VPS54: variants seen among roughly 807,000 people sequenced by gnomAD.
The protein encoded by VPS54 is VPS54 subunit of GARP complex.
Under a neutral mutation model 121.5 loss-of-function variants are expected in VPS54, and 45 were observed. The ratio of observed to expected loss-of-function variants is 0.37; its 90% CI spans 0.29 to 0.47. The LOEUF (loss-of-function observed/expected upper bound fraction) is 0.47, where lower values mean the gene tolerates loss of function less well. Ranked by LOEUF, VPS54 falls within the 20% of genes least tolerant of loss-of-function variation. The pLI is 0.99. For synonymous variants in VPS54, 371 were observed against 385.8 expected (o/e 0.96, Z 0.45); for missense variants, 1,090 against 1,131.4 (o/e 0.96, Z 0.52).
chr2:63,907,727 A>T (rs2160799), intron 20 of VPS54, among the ~76,000 whole-genome samples: 70,786 of 151,942 alleles, frequency 0.47, 16,945 homozygotes, highest in Middle Eastern at 0.56. Flanking sequence ...TATAAGGAAC[A>T]CTTATAAGAC....
intron 3 of VPS54, chr2:63,975,072 G>A: frequency 6.5e-7 from 1 of 1,537,676 alleles, no homozygotes; most frequent in Non-Finnish European, 8.8e-7. Flanking sequence ...TTGAGACAGA[G>A]TCTCACTCTG....
At chr2:64,006,823 T>C (rs1167312986) in intron 1 of VPS54, among the ~76,000 whole-genome samples, 1 of 152,152 alleles carries the variant, frequency 6.6e-6, no homozygotes, top group Admixed American at 6.5e-5. Context: ...TTCGCCATAT[T>C]GGTCAGGCTA....
At chr2:63,954,262 A>G (rs1285833989) in intron 7 of VPS54, among the ~76,000 whole-genome samples, 1 of 152,212 alleles carries the variant, frequency 6.6e-6, no homozygotes. Context: ...AAAAGACTCA[A>G]GAATGAACTT....
At chr2:63,904,770 A>C (rs914851842) in intron 20 of VPS54, among the ~76,000 whole-genome samples, 13 of 152,216 alleles carry the variant, frequency 8.5e-5, no homozygotes, top group Non-Finnish European at 1.8e-4. Context: ...TGCATGTGGA[A>C]CATTAGCCAA....
At chr2:63,948,382 G>A (rs1457666310) in intron 8 of VPS54, among the ~76,000 whole-genome samples, 2 of 148,858 alleles carry the variant, frequency 1.3e-5, no homozygotes, top group Non-Finnish European at 3.0e-5. Context: ...TGAATGACGG[G>A]TAATTACCAT....
intron 7 of VPS54, among the ~76,000 whole-genome samples, chr2:63,961,205 A>G (rs1675753574): frequency 6.6e-6 from 1 of 152,244 alleles, no homozygotes; most frequent in African/African-American, 2.4e-5. Context: ...ATAGGTGCTC[A>G]ACAGCCATAC....
chr2:63,972,339 A>G, intron 3 of VPS54, 95 bp from the exon 4 acceptor site: 2 of 832,098 alleles, frequency 2.4e-6, no homozygotes, highest in Non-Finnish European at 3.7e-6. Context: ...AATATGCCAA[A>G]TTAGTCCTAC....
chr2:63,895,626 A>T (rs1230505188), intron 22 of VPS54, among the ~76,000 whole-genome samples: 1 of 152,188 alleles, frequency 6.6e-6, no homozygotes, highest in Non-Finnish European at 1.5e-5. Context: ...TAAAATAGTT[A>T]ATTTTATGTT....
intron 1 of VPS54, among the ~76,000 whole-genome samples, chr2:64,008,782 G>C (rs999805054): frequency 2.6e-5 from 4 of 151,632 alleles, no homozygotes; most frequent in African/African-American, 4.9e-5. Flanking sequence ...AAGGATGACA[G>C]GGAAGAATGA....
intron 7 of VPS54, among the ~76,000 whole-genome samples, chr2:63,961,033 T>C (rs1340462198): frequency 6.6e-6 from 1 of 152,230 alleles, no homozygotes; most frequent in African/African-American, 2.4e-5. Flanking sequence ...CAGCAATCTT[T>C]CCATTCATCA....
chr2:63,991,638 C>T (rs1036858299), intron 1 of VPS54, among the ~76,000 whole-genome samples: 3 of 152,298 alleles, frequency 2.0e-5, no homozygotes, highest in Admixed American at 1.3e-4. Flanking sequence ...CTCACGTCGT[C>T]GCAAGGTAAA....
chr2:63,943,069 T>C (rs1674811448), intron 10 of VPS54, among the ~76,000 whole-genome samples: 1 of 152,166 alleles, frequency 6.6e-6, no homozygotes, highest in Non-Finnish European at 1.5e-5. Flanking sequence ...TCATCTAACA[T>C]GAGGAAACTG....
intron 9 of VPS54, among the ~76,000 whole-genome samples, chr2:63,946,438 G>C (rs934397978): frequency 2.0e-5 from 3 of 151,842 alleles, no homozygotes; most frequent in African/African-American, 7.3e-5. Flanking sequence ...ATGCAAATTT[G>C]GCATTACTAT....
chr2:64,013,676 A>G (rs1449374137), intron 1 of VPS54, among the ~76,000 whole-genome samples: 4 of 146,702 alleles, frequency 2.7e-5, no homozygotes, highest in Non-Finnish European at 6.0e-5. Context: ...ATATATCTAT[A>G]TATTGATATA....
At chr2:63,917,146 A>G (rs1378384939) in intron 15 of VPS54, among the ~76,000 whole-genome samples, 183 bp from the exon 16 acceptor site, 1 of 152,064 alleles carries the variant, frequency 6.6e-6, no homozygotes, top group Non-Finnish European at 1.5e-5. Context: ...AGAGATTTGG[A>G]TTTGAGTACC....
intron 5 of VPS54, among the ~76,000 whole-genome samples, chr2:63,968,236 G>GT (rs1676103066): frequency 6.6e-6 from 1 of 151,920 alleles, no homozygotes; most frequent in African/African-American, 2.4e-5. Flanking sequence ...TTCATACAAA[G>GT]TAAGTATCTC....
intron 12 of VPS54, among the ~76,000 whole-genome samples, chr2:63,931,155 A>G (rs557959799): frequency 2.6e-4 from 39 of 151,980 alleles, no homozygotes; most frequent in African/African-American, 8.4e-4. Context: ...ACAGAAATGA[A>G]AAAAACTACT....
intron 12 of VPS54, among the ~76,000 whole-genome samples, chr2:63,930,496 T>TA: frequency 6.6e-6 from 1 of 152,162 alleles, no homozygotes; most frequent in East Asian, 1.9e-4. Flanking sequence ...ATAAACTAGG[T>TA]ATTGATGGAA....
At chr2:63,973,987 G>A (rs1575976459) in intron 3 of VPS54, among the ~76,000 whole-genome samples, 2 of 151,904 alleles carry the variant, frequency 1.3e-5, no homozygotes, top group African/African-American at 2.4e-5. Context: ...TTCTTTCATG[G>A]ATTGTGCTTT....
Sources: gnomAD v4.1 joint callset for allele counts (sites outside exome capture counted in the v4.1 genomes callset) on GRCh38, gnomAD v4.1.1 for gene constraint, MANE v1.5 for transcripts, NCBI Gene and HGNC (gene_info 2026-07-23, HGNC 2026-07-21) for gene names.